WDR17: variants seen among roughly 807,000 people sequenced by gnomAD.
The protein encoded by WDR17 is WD repeat-containing protein 17.
Under a neutral mutation model 161.7 loss-of-function variants are expected in WDR17, and 143 were observed. The ratio of observed to expected loss-of-function variants is 0.88; its 90% CI spans 0.77 to 1.02. The LOEUF (loss-of-function observed/expected upper bound fraction) is 1.02. Ranked by LOEUF, WDR17 falls within the 50% of genes least tolerant of loss-of-function variation. The pLI, the probability that WDR17 is intolerant of heterozygous loss-of-function variation, is 0.00. For synonymous variants in WDR17, 517 were observed against 515.6 expected, an observed-to-expected ratio of 1.00 and a Z score of -0.04; for missense variants, 1,469 against 1,520.9, an observed-to-expected ratio of 0.97 and a Z score of 0.57.
In WDR17 at chr4:176,118,784, G is replaced by A. The variant is rs190660613; in HGVS notation, c.308-1083G>A. ...TAAAAATAAATTCCTGTGAAACCTC[G>A]TCTCTACTAAAAATACAAAAAAAAA... On this transcript the variant is annotated intron_variant, in intron 3 of 28. Transcript: ENST00000508596. 1.9e-3 allele frequency among the ~76,000 whole-genome samples: 285 copies of A among 148,408 alleles called. 5 individuals are homozygous for A. Among genetic ancestry groups the A allele is most frequent in the Admixed American group, 0.016 (235 of 14,878 alleles).
chr4:176,135,694 A>G (rs1314769095), intron 8 of WDR17, among the ~76,000 whole-genome samples: 1 of 151,606 alleles, frequency 6.6e-6, no homozygotes, highest in Admixed American at 6.6e-5. Context: ...CCACCTTTGA[A>G]GTATTGAAGA....
chr4:176,168,772 C>T lies in WDR17; in HGVS notation c.3091C>T (p.Leu1031Phe), dbSNP rs757530390. Residue 1031 changes from leucine (L) to phenylalanine (F), a missense_variant, in exon 23 of 29, where the codon CTT (leucine) becomes TTT (phenylalanine). Leu to Phe is a conservative substitution (Grantham distance 22). Coordinates refer to ENST00000508596, the MANE Select transcript of WDR17 (RefSeq NM_181265.4). Reference protein sequence around the residue: ...YPGCTEEINDLHDKCKLPTVE... With the variant: ...YPGCTEEINDFHDKCKLPTVE... ...AGGATGTACTGAAGAGATAAATGAC[C>T]TTCATGATAAGGTATGCTGATGATG... The T allele has an allele frequency of 1.2e-6, 2 of 1,610,682 alleles. No homozygotes were observed. Among genetic ancestry groups the T allele is most frequent in the Admixed American group, 3.4e-5 (2 of 59,586 alleles).
chr4:176,116,968 T>C (rs1740741277), intron 3 of WDR17, among the ~76,000 whole-genome samples: 1 of 151,924 alleles, frequency 6.6e-6, no homozygotes, highest in Non-Finnish European at 1.5e-5. Flanking sequence ...GAAGTTAATT[T>C]TCAACTAGAA....
chr4:176,155,545 G>GTTTTTTTTTTTTTTTT lies in WDR17; in HGVS notation c.2461-533_2461-518dup, dbSNP rs869207103. ...TTTGTTTTTTTGTTTATTTGTTTGT[G>GTTTTTTTTTTTTTTTT]TTTTTTTTTTTTTTTTGGAGACGAA... On this transcript the variant is annotated intron_variant, in intron 17 of 28. Transcript: ENST00000508596. Among the ~76,000 whole-genome samples, 142 of 105,198 alleles carry GTTTTTTTTTTTTTTTT rather than the reference G, an allele frequency of 1.3e-3. 6 individuals are homozygous for GTTTTTTTTTTTTTTTT. The highest frequency in any genetic ancestry group is 1.8e-3 in the Non-Finnish European group (93 of 52,716). The allele number at this position is 105,198 out of a possible 152,430, so 69.0% of individuals were successfully genotyped here. A position where few individuals can be genotyped will look rare whatever the true frequency, so the allele number is the denominator to read the frequency against.
chr4:176,098,894 T>G (rs1288487520), intron 1 of WDR17, among the ~76,000 whole-genome samples: 2 of 152,046 alleles, frequency 1.3e-5, no homozygotes, highest in East Asian at 3.8e-4. Context: ...GACTCTGAAT[T>G]TTAAAAGGAT....
At chr4:176,105,816 A>G (rs1182821434) in intron 1 of WDR17, among the ~76,000 whole-genome samples, 1 of 152,130 alleles carries the variant, frequency 6.6e-6, no homozygotes, top group African/African-American at 2.4e-5. Context: ...CTAACAAAAG[A>G]ATAAACTAAA....
At position 176,179,682 on chromosome 4, in the gene WDR17, G is replaced by C; in HGVS notation, c.*103G>C. 8.2e-7 allele frequency: 1 copy of C among 1,212,128 alleles called. No homozygotes were observed. Among genetic ancestry groups the C allele is most frequent in the African/African-American group, 1.6e-5 (1 of 64,320 alleles). The allele number at this position is 1,212,128 out of a possible 1,614,324, so 75.1% of individuals were successfully genotyped here. A position where few individuals can be genotyped will look rare whatever the true frequency, so the allele number is the denominator to read the frequency against. On this transcript the variant is annotated 3_prime_UTR_variant, in exon 29 of 29. Coordinates refer to ENST00000508596, the MANE Select transcript of WDR17 (RefSeq NM_181265.4). ...GCTCAAGTGCCAGAGGTTGGGAGAAGGATTGCAGGTTGGGAGAGGTGGGAA... is the reference window on the plus strand; with the variant it reads ...GCTCAAGTGCCAGAGGTTGGGAGAACGATTGCAGGTTGGGAGAGGTGGGAA...
rs529687142 is a variant in WDR17 at position 176,071,790 on chromosome 4, G to A, written c.-7+5711G>A. Among the ~76,000 whole-genome samples the A allele has an allele frequency of 5.3e-5, 8 of 152,228 alleles. No homozygotes were observed. In the South Asian group the frequency reaches 1.7e-3, roughly 32 times the overall value. ...AAGCATCTGGGTAAGTCTAGTTCCA[G>A]GATTCAAATCCATATAATTTTCATT... On this transcript the variant is annotated intron_variant, in intron 1 of 28. Coordinates refer to ENST00000508596, the MANE Select transcript of WDR17 (RefSeq NM_181265.4).
intron 6 of WDR17, 46 bp downstream of exon 6, chr4:176,128,906 G>A (rs78649239): frequency 0.24 from 352,380 of 1,462,900 alleles, 43,766 homozygotes; most frequent in Middle Eastern, 0.33. Context: ...AAAATATTGT[G>A]TTTTCTATCA....
At chr4:176,169,760 A>T (rs1424531571) in intron 23 of WDR17, among the ~76,000 whole-genome samples, 1 of 152,186 alleles carries the variant, frequency 6.6e-6, no homozygotes, top group Non-Finnish European at 1.5e-5. Flanking sequence ...GTGGGTGGAT[A>T]TGTGTATGTG....
chr4:176,091,609 C>A (rs1736130702), intron 1 of WDR17, among the ~76,000 whole-genome samples: 2 of 151,788 alleles, frequency 1.3e-5, no homozygotes, highest in Non-Finnish European at 2.9e-5. Context: ...GCAAACCAAA[C>A]CCAGAATTAG....
At chr4:176,067,784 G>A (rs1352471398) in intron 1 of WDR17, among the ~76,000 whole-genome samples, 1 of 152,174 alleles carries the variant, frequency 6.6e-6, no homozygotes, top group East Asian at 1.9e-4. Context: ...TTTAGTCTGG[G>A]AAAGGAGGGA....
At chr4:176,138,952 TG>T (rs910334388) in intron 9 of WDR17, among the ~76,000 whole-genome samples, 1 of 151,848 alleles carries the variant, frequency 6.6e-6, no homozygotes, top group African/African-American at 2.4e-5. Flanking sequence ...GAGTCATAAA[TG>T]CAATTTTCAT....
rs1421363954 is a variant in WDR17, at chr4:176,133,272, A to AAG, written c.1098+1535_1098+1536insGA. ...TCTCCTCTCTCTAAAAAAAAAAAAA[A>AAG]AAGAAGAAGAAGAAGAAAAGAGAAA... On this transcript the variant is annotated intron_variant, in intron 7 of 28. Coordinates refer to ENST00000508596, the MANE Select transcript of WDR17 (RefSeq NM_181265.4). Among the ~76,000 whole-genome samples, 1,157 of 127,434 alleles carry AAG rather than the reference A, an allele frequency of 9.1e-3. 13 individuals are homozygous for AAG. The highest frequency in any genetic ancestry group is 0.016 in the Non-Finnish European group (934 of 58,560). 83.6% of individuals were successfully genotyped at this position (127,434 alleles called of 152,430 possible). A position where few individuals can be genotyped will look rare whatever the true frequency, so the allele number is the denominator to read the frequency against.
At chr4:176,150,399 T>A in intron 15 of WDR17, 69 bp from the exon 16 acceptor site, 1 of 1,537,488 alleles carries the variant, frequency 6.5e-7, no homozygotes, top group Non-Finnish European at 8.7e-7. Flanking sequence ...TTATAATATT[T>A]TTGAAGATGC....
intron 1 of WDR17, among the ~76,000 whole-genome samples, chr4:176,087,818 G>T (rs1735610192): frequency 6.6e-6 from 1 of 151,800 alleles, no homozygotes. Flanking sequence ...CAGTTTTAGA[G>T]TGTAATATTC....
intron 1 of WDR17, among the ~76,000 whole-genome samples, chr4:176,107,833 C>T (rs1378687038): frequency 6.6e-6 from 1 of 150,786 alleles, no homozygotes; most frequent in African/African-American, 2.4e-5. Context: ...TCCTTCCTTC[C>T]TTTCCTTCCT....
intron 1 of WDR17, among the ~76,000 whole-genome samples, chr4:176,109,065 C>A (rs1739283919): frequency 6.6e-6 from 1 of 152,218 alleles, no homozygotes; most frequent in African/African-American, 2.4e-5. Context: ...GCTGGGATTA[C>A]AGGCATAAGC....
chr4:176,099,436 C>T (rs915372793), intron 1 of WDR17, among the ~76,000 whole-genome samples: 7 of 152,056 alleles, frequency 4.6e-5, no homozygotes, highest in South Asian at 2.1e-4. Context: ...ATGGGGGTGG[C>T]GGGGGAGCTT....
Sources: allele counts gnomAD v4.1 joint callset (sites outside exome capture counted in the v4.1 genomes callset), GRCh38; gene constraint gnomAD v4.1.1; transcripts MANE v1.5; gene names NCBI Gene and HGNC (gene_info 2026-07-23, HGNC 2026-07-21).